Variants in GALK2 observed in about 807,000 individuals in gnomAD.
GALK2 encodes the protein galactokinase 2, also known as N-acetylgalactosamine kinase.
A neutral mutation model predicts 52.4 loss-of-function variants in GALK2; 36 were observed. That is an observed-to-expected ratio of 0.69 (90% CI 0.53 to 0.91). The LOEUF (loss-of-function observed/expected upper bound fraction) is 0.91, where lower values mean the gene tolerates loss of function less well. GALK2 is among the 40% of genes least tolerant of loss of function. The pLI is 0.00. For synonymous variants in GALK2, 176 were observed against 199.1 expected (o/e 0.88, Z 0.98); for missense variants, 579 against 559.1 (o/e 1.04, Z -0.36).
At chr15:49,213,382 A>G (rs774178294) in intron 2 of GALK2, among the ~76,000 whole-genome samples, 1 of 152,076 alleles carries the variant, frequency 6.6e-6, no homozygotes, top group Non-Finnish European at 1.5e-5. Context: ...TGGGATATAA[A>G]TGCAGAATGT....
In GALK2 at chr15:49,299,709, G is replaced by GCTTTCTTTCTTTCTTTCTTT. The variant is rs34902544; in HGVS notation, c.967+7181_967+7200dup. Among the ~76,000 whole-genome samples, 183 of 85,226 alleles carry GCTTTCTTTCTTTCTTTCTTT rather than the reference G, an allele frequency of 2.1e-3. 5 individuals are homozygous for GCTTTCTTTCTTTCTTTCTTT. Among genetic ancestry groups the GCTTTCTTTCTTTCTTTCTTT allele is most frequent in the Middle Eastern group, 6.3e-3 (1 of 160 alleles). 55.9% of individuals were successfully genotyped at this position (85,226 alleles called of 152,430 possible). Reference sequence around the variant, plus strand: ...GGTTTTGAGAGATCTTCTTGGTATTGCTTTCTTTCTTTCTTTCTTTCTTTC... The same window carrying GCTTTCTTTCTTTCTTTCTTT: ...GGTTTTGAGAGATCTTCTTGGTATTGCTTTCTTTCTTTCTTTCTTTCTTTCTTTCTTTCTTTCTTTCTTTC... On this transcript the variant is annotated intron_variant, in intron 8 of 9. Coordinates refer to ENST00000560031, the MANE Select transcript of GALK2 (RefSeq NM_002044.4).
chr15:49,269,609 A>C (rs971074835), intron 5 of GALK2, among the ~76,000 whole-genome samples: 7 of 152,138 alleles, frequency 4.6e-5, no homozygotes, highest in Non-Finnish European at 8.8e-5. Flanking sequence ...TTGGAGGAGG[A>C]CAAGGAAGTA....
At chr15:49,178,481 C>T in intron 1 of GALK2, 1 of 279,304 alleles carries the variant, frequency 3.6e-6, no homozygotes, top group East Asian at 9.4e-5. Context: ...GTTAACACCA[C>T]AGTGGACAGG....
At chr15:49,278,000 C>T (rs1296563539) in intron 5 of GALK2, among the ~76,000 whole-genome samples, 2 of 151,964 alleles carry the variant, frequency 1.3e-5, no homozygotes, top group Admixed American at 6.6e-5. Flanking sequence ...CGGTGGCTCA[C>T]GCCTGTAATC....
Position 49,170,346 on chromosome 15 carries a change from G to C in GALK2, c.24G>C (p.Thr8=). MATESPA[T]RRVQVAEHPR... ...ATATGGCTACAGAGAGCCCTGCTAC[G>C]CGTCGGGTCCAGGTGGCAGAACATC... is the stretch of plus-strand genomic sequence containing the variant. Residue 8 remains threonine, a synonymous_variant, in exon 1 of 10, where the codon ACG becomes ACC. Coordinates refer to ENST00000560031, the MANE Select transcript of GALK2 (RefSeq NM_002044.4). The C allele has an allele frequency of 6.3e-7, 1 of 1,592,552 alleles. No homozygotes were observed. Among genetic ancestry groups the C allele is most frequent in the South Asian group, 1.1e-5 (1 of 87,144 alleles).
At position 49,360,475 on chromosome 15, in the gene GALK2, T is replaced by G. The variant is rs138862527; in HGVS notation, c.427-7016T>G. Among the ~76,000 whole-genome samples the G allele has an allele frequency of 6.4e-3, 971 of 152,326 alleles. 14 individuals carry two copies. Among genetic ancestry groups the G allele is most frequent in the African/African-American group, 0.022 (915 of 41,572 alleles). On this transcript the variant is annotated intron_variant, in intron 3 of 3. Transcript: ENST00000558399. ...TGAGTTTTCAATTTTTTAAATAATTTGCATTTTGCATGTTAAAAAAATTAT... is the reference window on the plus strand; with the variant it reads ...TGAGTTTTCAATTTTTTAAATAATTGGCATTTTGCATGTTAAAAAAATTAT...
At chr15:49,344,687 A>G (rs2041217751) in intron 3 of GALK2, among the ~76,000 whole-genome samples, 1 of 152,230 alleles carries the variant, frequency 6.6e-6, no homozygotes, top group Admixed American at 6.5e-5. Context: ...ATAAACAAGA[A>G]GTCTGCAATC....
intron 5 of GALK2, among the ~76,000 whole-genome samples, 158 bp downstream of exon 5, chr15:49,239,525 A>G (rs1258200640): frequency 6.6e-6 from 1 of 152,260 alleles, no homozygotes; most frequent in Admixed American, 6.5e-5. Context: ...ATAAATCACT[A>G]TAAAGTAGCT....
chr15:49,180,315 CAGGA>C (rs570520741), intron 1 of GALK2, among the ~76,000 whole-genome samples: 36 of 152,282 alleles, frequency 2.4e-4, no homozygotes, highest in Non-Finnish European at 4.1e-4. Flanking sequence ...TTAAGGCTAG[CAGGA>C]TTATCTAAAC....
chr15:49,215,162 C>G (rs2089273137), intron 2 of GALK2, among the ~76,000 whole-genome samples: 1 of 151,782 alleles, frequency 6.6e-6, no homozygotes, highest in Admixed American at 6.6e-5. Flanking sequence ...TTTCTTTATC[C>G]TTGACCTTTG....
rs189622015 is a variant in GALK2 at position 49,340,311 on chromosome 15, G to T, written c.426+20506G>T. Among the ~76,000 whole-genome samples the T allele has an allele frequency of 1.5e-4, 23 of 152,250 alleles. 1 individual carries two copies. In the East Asian group the frequency reaches 4.5e-3, roughly 29 times the overall value. On this transcript the variant is annotated intron_variant, in intron 3 of 3. Transcript: ENST00000558399. ...ACCATGGGAAAAGCGCAGTATCTGG[G>T]CTGGAGTACACGGTACAGTCCCTAA... is the stretch of plus-strand genomic sequence containing the variant.
chr15:49,304,867 T>G (rs560171366), intron 8 of GALK2, among the ~76,000 whole-genome samples: 2 of 152,372 alleles, frequency 1.3e-5, no homozygotes, highest in East Asian at 3.9e-4. Context: ...CTGTGATCTC[T>G]TTTTATGTTA....
chr15:49,328,489 T>TTAAA lies in GALK2; in HGVS notation c.*333_*336dup. 1 of 1,567,282 alleles carries TTAAA rather than the reference T, an allele frequency of 6.4e-7. No homozygotes were observed. The highest frequency in any genetic ancestry group is 8.7e-7 in the Non-Finnish European group (1 of 1,154,770). On this transcript the variant is annotated 3_prime_UTR_variant, in exon 10 of 10. Coordinates refer to ENST00000560031, the MANE Select transcript of GALK2 (RefSeq NM_002044.4). ...ACTGATTACATGGATTGGACTTGAA[T>TTAAA]TAAATATATTGTTACAATTAAACTG...
intron 9 of GALK2, among the ~76,000 whole-genome samples, chr15:49,322,065 C>G (rs1048117010): frequency 1.3e-5 from 2 of 152,196 alleles, no homozygotes; most frequent in African/African-American, 4.8e-5. Context: ...AGTCTACAGA[C>G]CTATACATTT....
chr15:49,197,079 G>A (rs1001362049), intron 1 of GALK2, among the ~76,000 whole-genome samples: 2 of 152,224 alleles, frequency 1.3e-5, no homozygotes, highest in Admixed American at 6.5e-5. Flanking sequence ...GGGCAACAGA[G>A]CGAGTCCCTG....
intron 1 of GALK2, among the ~76,000 whole-genome samples, chr15:49,179,295 G>A (rs947294678): frequency 6.6e-6 from 1 of 152,124 alleles, no homozygotes; most frequent in Admixed American, 6.5e-5. Context: ...TCAGTTTGTA[G>A]ATGAGGAAAA....
At chr15:49,302,739 G>A (rs1265372905) in intron 8 of GALK2, among the ~76,000 whole-genome samples, 1 of 152,182 alleles carries the variant, frequency 6.6e-6, no homozygotes, top group Admixed American at 6.5e-5. Flanking sequence ...GTTTTCCATA[G>A]AAAGCTAGAC....
intron 7 of GALK2, among the ~76,000 whole-genome samples, chr15:49,285,304 T>C (rs2033219021): frequency 6.6e-6 from 1 of 152,204 alleles, no homozygotes; most frequent in Non-Finnish European, 1.5e-5. Context: ...CTTCCTGTTT[T>C]TTCTTTTCCC....
intron 5 of GALK2, among the ~76,000 whole-genome samples, chr15:49,265,057 T>C (rs555347406): frequency 3.0e-4 from 45 of 152,280 alleles, no homozygotes; most frequent in Non-Finnish European, 3.4e-4. Flanking sequence ...AGTCTGCCCA[T>C]TCTCAGATCT....
Sources: gnomAD v4.1 joint callset for allele counts (sites outside exome capture counted in the v4.1 genomes callset) on GRCh38, gnomAD v4.1.1 for gene constraint, MANE v1.5 for transcripts, NCBI Gene and HGNC (gene_info 2026-07-23, HGNC 2026-07-21) for gene names.